The following DNAJC11 variants were observed in gnomAD, a reference collection of about 807,000 sequenced individuals.
The protein encoded by DNAJC11 is dnaJ homolog subfamily C member 11.
A neutral mutation model predicts 78.6 loss-of-function variants in DNAJC11; 15 were observed. That is an observed-to-expected ratio of 0.19 (90% CI 0.13 to 0.29). The LOEUF (loss-of-function observed/expected upper bound fraction) is 0.29, where lower values mean the gene tolerates loss of function less well. Among genes scored for constraint, DNAJC11 ranks in the 10% least tolerant of loss-of-function variants. DNAJC11 has a pLI of 1.00. For missense variants in DNAJC11, 547 were observed against 709.6 expected (o/e 0.77, Z 2.60); for synonymous variants, 292 against 272.1 (o/e 1.07, Z -0.72).
chr1:6,637,138 C>T, intron 14 of DNAJC11, 60 bp downstream of exon 14: 4 of 1,601,242 alleles, frequency 2.5e-6, no homozygotes, highest in Non-Finnish European at 3.4e-6. Context: ...GCCTGAGTCA[C>T]CGCGCCCAGC....
At chr1:6,637,607 C>A in intron 12 of DNAJC11, 103 bp from the exon 13 acceptor site, 1 of 1,347,028 alleles carries the variant, frequency 7.4e-7, no homozygotes, top group Non-Finnish European at 1.1e-6. Context: ...AACATACTTG[C>A]TCAGGGCCTG....
chr1:6,678,719 C>T (rs1258962869), intron 2 of DNAJC11, among the ~76,000 whole-genome samples: 1 of 152,200 alleles, frequency 6.6e-6, no homozygotes, highest in Non-Finnish European at 1.5e-5. Context: ...ATGGTAAGAT[C>T]ATAGCTCACT....
intron 3 of DNAJC11, among the ~76,000 whole-genome samples, chr1:6,676,646 C>T (rs915716051): frequency 6.6e-6 from 1 of 152,132 alleles, no homozygotes; most frequent in Non-Finnish European, 1.5e-5. Context: ...CACCAACACA[C>T]TGCAGCCTGG....
At chr1:6,650,524 C>T (rs761030135) in intron 7 of DNAJC11, among the ~76,000 whole-genome samples, 6 of 152,014 alleles carry the variant, frequency 3.9e-5, no homozygotes, top group Non-Finnish European at 5.9e-5. Context: ...TATGATCGGA[C>T]TATTGCACTC....
intron 1 of DNAJC11, among the ~76,000 whole-genome samples, chr1:6,684,850 T>C (rs17029764): frequency 0.016 from 2,448 of 152,318 alleles, 81 homozygotes; most frequent in African/African-American, 0.055. Flanking sequence ...TCTTTCATCA[T>C]CTCAATCACC....
chr1:6,646,554 T>C (rs1641968891), intron 7 of DNAJC11, among the ~76,000 whole-genome samples: 1 of 152,146 alleles, frequency 6.6e-6, no homozygotes, highest in Non-Finnish European at 1.5e-5. Context: ...GGCATCAGTA[T>C]ATTTTTGGAG....
At chr1:6,662,107 A>G (rs1282197347) in intron 4 of DNAJC11, among the ~76,000 whole-genome samples, 3 of 139,752 alleles carry the variant, frequency 2.1e-5, no homozygotes, top group Non-Finnish European at 4.6e-5. Context: ...GCACGCCACC[A>G]TGCCCAGTTA....
Position 6,639,943 on chromosome 1 carries a change from G to A in DNAJC11, c.1212C>T (p.His404=), listed in dbSNP as rs746326488. The A allele has an allele frequency of 3.1e-6, 5 of 1,613,952 alleles. No individual in the cohort carries two copies. The highest frequency in any genetic ancestry group is 2.2e-5 in the East Asian group (1 of 44,880). ...VGPLVVYFAM[H]RLIIKPYLRA... is the part of the protein sequence containing the mutation. ...TGAGGTATGGTTTGATGATCAGACG[G>A]TGCATGGCAAAGTAGACCACTAGAG... is the stretch of plus-strand genomic sequence containing the variant. The change falls in exon 11 of 16, where the codon CAC becomes CAT. Residue 404 remains histidine (H), a synonymous_variant. Transcript: ENST00000377577.
intron 3 of DNAJC11, among the ~76,000 whole-genome samples, chr1:6,669,951 A>G (rs938561956): frequency 2.0e-5 from 3 of 152,046 alleles, no homozygotes; most frequent in African/African-American, 7.2e-5. Flanking sequence ...ACGTTTCAAA[A>G]AATAATTTTT....
At chr1:6,660,273 T>C (rs1642188549) in intron 4 of DNAJC11, among the ~76,000 whole-genome samples, 2 of 151,384 alleles carry the variant, frequency 1.3e-5, no homozygotes, top group Non-Finnish European at 2.9e-5. Context: ...TCTCCTGCCT[T>C]AGCCTCCCAA....
At chr1:6,651,702 T>C (rs1570275932) in intron 6 of DNAJC11, 100 bp from the exon 7 acceptor site, 1 of 853,910 alleles carries the variant, frequency 1.2e-6, no homozygotes, top group Non-Finnish European at 1.9e-6. Flanking sequence ...CTTCATTCAA[T>C]TCACTGGTCT....
At chr1:6,638,575 T>C (rs997354681) in intron 11 of DNAJC11, among the ~76,000 whole-genome samples, 21 of 152,362 alleles carry the variant, frequency 1.4e-4, no homozygotes, top group South Asian at 1.0e-3. Context: ...TAGATGGCTC[T>C]GCCCCACCTC....
At chr1:6,679,424 A>G (rs1642521611) in intron 2 of DNAJC11, among the ~76,000 whole-genome samples, 1 of 152,200 alleles carries the variant, frequency 6.6e-6, no homozygotes, top group Non-Finnish European at 1.5e-5. Context: ...ACGATATCCC[A>G]ACTGAACGAT....
intron 1 of DNAJC11, among the ~76,000 whole-genome samples, chr1:6,701,015 T>G (rs539842186): frequency 6.6e-6 from 1 of 152,322 alleles, no homozygotes; most frequent in East Asian, 1.9e-4. Flanking sequence ...ATGTTATCTT[T>G]TATTCGTTGA....
Position 6,680,902 on chromosome 1 carries a change from A to G in DNAJC11, c.202+6T>C, listed in dbSNP as rs752981035. On this transcript the variant is annotated splice_donor_region_variant and intron_variant, in intron 2 of 15. Transcript: ENST00000377577. The surrounding 1 kb of genome is among the most constrained non-coding windows in gnomAD (Gnocchi z 4.0). ...ATGTTTCTACAAAGTCCGGCCCTCCACTGACCTTCATAAGCCTGGTGAACA... is the reference window on the plus strand; with the variant it reads ...ATGTTTCTACAAAGTCCGGCCCTCCGCTGACCTTCATAAGCCTGGTGAACA... 3 of 1,613,240 alleles carry G rather than the reference A, an allele frequency of 1.9e-6. No individual in the cohort carries two copies. Among genetic ancestry groups the G allele is most frequent in the East Asian group, 4.5e-5 (2 of 44,868 alleles).
chr1:6,693,177 C>T (rs156986), intron 1 of DNAJC11, among the ~76,000 whole-genome samples: 77,790 of 151,788 alleles, frequency 0.51, 20,240 homozygotes, highest in Admixed American at 0.61. Flanking sequence ...CCTCCCAAAG[C>T]GTTGGGACTG....
chr1:6,688,846 C>G (rs1373911635), intron 1 of DNAJC11, among the ~76,000 whole-genome samples: 1 of 152,210 alleles, frequency 6.6e-6, no homozygotes, highest in African/African-American at 2.4e-5. Flanking sequence ...AGGTAAGAAA[C>G]TAATTTGGAC....
intron 3 of DNAJC11, among the ~76,000 whole-genome samples, chr1:6,676,659 G>A (rs1326590663): frequency 6.6e-6 from 1 of 151,412 alleles, no homozygotes; most frequent in East Asian, 2.0e-4. Context: ...CAGCCTGGGC[G>A]ACAGAGCACG....
chr1:6,700,115 G>A (rs921845691), intron 1 of DNAJC11, among the ~76,000 whole-genome samples: 51 of 152,272 alleles, frequency 3.3e-4, no homozygotes, highest in African/African-American at 1.2e-3. Flanking sequence ...TTGGCCTTAT[G>A]ACAATACACG....
Sources: gnomAD v4.1 joint callset for allele counts (sites outside exome capture counted in the v4.1 genomes callset) on GRCh38, gnomAD v4.1.1 for gene constraint, Gnocchi (gnomAD v3.1) non-coding constraint, MANE v1.5 for transcripts, NCBI Gene and HGNC (gene_info 2026-07-23, HGNC 2026-07-21) for gene names.